Variants in CPS1 observed in about 807,000 individuals in gnomAD.
CPS1 encodes carbamoyl-phosphate synthase [ammonia], mitochondrial.
CPS1 carries 109 observed loss-of-function variants against 174.6 expected under a neutral mutation model. The ratio of observed to expected loss-of-function variants is 0.62; its 90% CI spans 0.53 to 0.73. The LOEUF (loss-of-function observed/expected upper bound fraction) is 0.73, where lower values mean the gene tolerates loss of function less well. Ranked by LOEUF, CPS1 falls within the 30% of genes least tolerant of loss-of-function variation. CPS1 has a pLI of 0.00. For synonymous variants in CPS1, 637 were observed against 632.0 expected (o/e 1.01, Z -0.12); for missense variants, 1,689 against 1,821.9 (o/e 0.93, Z 1.33).
intron 20 of CPS1, among the ~76,000 whole-genome samples, chr2:210,616,109 T>C (rs1393704353): frequency 6.6e-6 from 1 of 152,048 alleles, no homozygotes; most frequent in African/African-American, 2.4e-5. Flanking sequence ...TCCAAAGAGA[T>C]GTACCAAATT....
intron 6 of CPS1, 30 bp from the exon 7 acceptor site, chr2:210,588,028 C>G (rs1435131638): frequency 1.2e-6 from 2 of 1,602,398 alleles, no homozygotes; most frequent in African/African-American, 2.7e-5. Flanking sequence ...CTGGGACTTC[C>G]CTCTCATTCT....
intron 1 of CPS1, among the ~76,000 whole-genome samples, chr2:210,506,597 C>A (rs957974778): frequency 4.0e-5 from 6 of 151,766 alleles, no homozygotes; most frequent in East Asian, 3.9e-4. Flanking sequence ...GGAGGAAGTT[C>A]GAACCCATGG....
chr2:210,538,836 C>G (rs2106010162), intron 1 of CPS1, among the ~76,000 whole-genome samples: 1 of 152,024 alleles, frequency 6.6e-6, no homozygotes, highest in East Asian at 1.9e-4. Context: ...CTTTGTTCAT[C>G]ATGTGAAAAA....
chr2:210,510,220 C>T (rs1326918023), intron 1 of CPS1, among the ~76,000 whole-genome samples: 5 of 152,122 alleles, frequency 3.3e-5, no homozygotes, highest in South Asian at 4.1e-4. Context: ...AGAAATAATG[C>T]CACGTTATCT....
At chr2:210,558,951 G>A (rs1224553158) in intron 1 of CPS1, among the ~76,000 whole-genome samples, 1 of 151,970 alleles carries the variant, frequency 6.6e-6, no homozygotes, top group African/African-American at 2.4e-5. Context: ...CAGAGTTTTG[G>A]AGGAATGCCA....
Position 210,673,745 on chromosome 2 carries a change from A to G in CPS1, c.4102-1157A>G, listed in dbSNP as rs1362939646. 3 of 152,230 alleles carry G rather than the reference A, an allele frequency of 2.0e-5. No homozygotes were observed. The East Asian group carries it at 5.8e-4, about 29-fold the overall frequency. The allele number at this position is 152,230 out of a possible 1,614,324, so 9.4% of individuals were successfully genotyped here. A position where few individuals can be genotyped will look rare whatever the true frequency, so the allele number is the denominator to read the frequency against. On this transcript the variant is annotated intron_variant, in intron 34 of 37. Transcript: ENST00000233072. ...TGCTAAATTATAGTAGTAACACTTA[A>G]GTAGTGCTTACTTCTAAATTAGTTT... is the stretch of plus-strand genomic sequence containing the variant.
intron 22 of CPS1, 87 bp downstream of exon 22, chr2:210,637,930 T>C: frequency 6.9e-7 from 1 of 1,441,000 alleles, no homozygotes; most frequent in Admixed American, 1.7e-5. Flanking sequence ...CCATTGTTAA[T>C]AAAAAGAGGA....
intron 14 of CPS1, among the ~76,000 whole-genome samples, chr2:210,600,313 T>A (rs2106128282): frequency 6.6e-6 from 1 of 151,972 alleles, no homozygotes; most frequent in South Asian, 2.1e-4. Flanking sequence ...ATGACTTTTA[T>A]TAATAAGGAT....
chr2:210,673,078 A>AT (rs1255802652), intron 34 of CPS1: 1 of 152,070 alleles, frequency 6.6e-6, no homozygotes, highest in Non-Finnish European at 1.5e-5. Context: ...AGATCATTTG[A>AT]TTTTTTCCAG....
chr2:210,503,909 A>C (rs965795097), intron 1 of CPS1, among the ~76,000 whole-genome samples: 1 of 152,160 alleles, frequency 6.6e-6, no homozygotes, highest in Non-Finnish European at 1.5e-5. Flanking sequence ...TTTGCACAAT[A>C]ATAGGGTGTG....
At chr2:210,548,086 G>A (rs7571548) in intron 1 of CPS1, among the ~76,000 whole-genome samples, 2,428 of 152,050 alleles carry the variant, frequency 0.016, 51 homozygotes, top group African/African-American at 0.051. Context: ...GTTATTTTTA[G>A]CACAAATATT....
intron 21 of CPS1, chr2:210,619,822 T>C (rs1699445858): frequency 6.6e-6 from 1 of 152,006 alleles, no homozygotes; most frequent in Admixed American, 6.6e-5. Flanking sequence ...GGTCAGTCTC[T>C]GACTTGTGTT....
intron 1 of CPS1, among the ~76,000 whole-genome samples, chr2:210,521,635 A>G (rs1352168249): frequency 6.6e-6 from 1 of 152,028 alleles, no homozygotes; most frequent in African/African-American, 2.4e-5. Context: ...CAGATTTTTA[A>G]TATCAGACAT....
chr2:210,517,527 C>T (rs72934342), intron 1 of CPS1, among the ~76,000 whole-genome samples: 1 of 151,804 alleles, frequency 6.6e-6, no homozygotes, highest in Non-Finnish European at 1.5e-5. Flanking sequence ...CACCTTGAAT[C>T]GAGGGAAATC....
chr2:210,665,280 T>C (rs970455890), intron 33 of CPS1, among the ~76,000 whole-genome samples: 1 of 152,180 alleles, frequency 6.6e-6, no homozygotes, highest in Admixed American at 6.5e-5. Flanking sequence ...GTAATTTGCT[T>C]AAGAAATGAA....
At chr2:210,480,664 G>T (rs754000863) in intron 1 of CPS1, among the ~76,000 whole-genome samples, 2 of 151,920 alleles carry the variant, frequency 1.3e-5, no homozygotes, top group African/African-American at 2.4e-5. Flanking sequence ...ACACATATAC[G>T]CACACAGACA....
chr2:210,577,698 A>C (rs1022056464), intron 4 of CPS1, among the ~76,000 whole-genome samples, 188 bp downstream of exon 4: 2 of 152,206 alleles, frequency 1.3e-5, no homozygotes, highest in Non-Finnish European at 2.9e-5. Context: ...TGATGAGCAC[A>C]TATTTTCAGT....
At chr2:210,639,784 A>G (rs1700157990) in intron 23 of CPS1, among the ~76,000 whole-genome samples, 1 of 152,192 alleles carries the variant, frequency 6.6e-6, no homozygotes, top group African/African-American at 2.4e-5. Context: ...TCTCATGACT[A>G]TTTAATTTAA....
intron 1 of CPS1, among the ~76,000 whole-genome samples, chr2:210,500,472 C>G (rs900984191): frequency 6.6e-6 from 1 of 152,204 alleles, no homozygotes; most frequent in African/African-American, 2.4e-5. Context: ...AGTGGAGGTA[C>G]AGGCCTTGGG....
Sources: allele counts gnomAD v4.1 joint callset (sites outside exome capture counted in the v4.1 genomes callset), GRCh38; gene constraint gnomAD v4.1.1; transcripts MANE v1.5; gene names NCBI Gene and HGNC (gene_info 2026-07-23, HGNC 2026-07-21).